Variants in KIF13B observed in about 807,000 individuals in gnomAD.
KIF13B encodes kinesin-like protein KIF13B.
A neutral mutation model predicts 222.0 loss-of-function variants in KIF13B; 127 were observed. The ratio of observed to expected loss-of-function variants is 0.57; its 90% CI spans 0.50 to 0.66. KIF13B has a LOEUF of 0.66. Among genes scored for constraint, KIF13B ranks in the 30% least tolerant of loss-of-function variants. KIF13B has a pLI of 0.00. For missense variants in KIF13B, 2,173 were observed against 2,379.0 expected, an observed-to-expected ratio of 0.91 and a Z score of 1.80; for synonymous variants, 976 against 919.0, an observed-to-expected ratio of 1.06 and a Z score of -1.12.
chr8:29,133,973 G>C, intron 22 of KIF13B, 67 bp downstream of exon 22: 2 of 1,443,392 alleles, frequency 1.4e-6, no homozygotes, highest in South Asian at 2.6e-5. Flanking sequence ...AAGAAACAAG[G>C]TTCATTTTCT....
Position 29,146,609 on chromosome 8 carries a change from T to C in KIF13B, c.2025-69A>G, listed in dbSNP as rs1481068094. 3.5e-5 allele frequency: 49 copies of C among 1,385,264 alleles called. No homozygotes were observed. In the East Asian group the frequency reaches 1.1e-3, roughly 32 times the overall value. The allele number at this position is 1,385,264 out of a possible 1,614,324, so 85.8% of individuals were successfully genotyped here. On this transcript the variant is annotated intron_variant, in intron 17 of 39. Coordinates refer to ENST00000524189, the MANE Select transcript of KIF13B (RefSeq NM_015254.4). ...CACAAAGCAGCTAGTCAGAAAATCA[T>C]ACAGTGGTAGTACATCATTGCCAAA... is the stretch of plus-strand genomic sequence containing the variant.
At chr8:29,122,170 C>T (rs1427838800) in intron 29 of KIF13B, among the ~76,000 whole-genome samples, 1 of 152,146 alleles carries the variant, frequency 6.6e-6, no homozygotes, top group Non-Finnish European at 1.5e-5. Context: ...AGGAGAACCG[C>T]TTGAACCGGG....
intron 29 of KIF13B, among the ~76,000 whole-genome samples, chr8:29,121,181 T>G (rs1275571325): frequency 6.9e-6 from 1 of 145,878 alleles, no homozygotes; most frequent in Non-Finnish European, 1.5e-5. Flanking sequence ...CCAATGACTT[T>G]CTTCACAGAA....
At chr8:29,173,097 T>C (rs1812319516) in intron 10 of KIF13B, among the ~76,000 whole-genome samples, 1 of 152,004 alleles carries the variant, frequency 6.6e-6, no homozygotes, top group Non-Finnish European at 1.5e-5. Flanking sequence ...TTATTTTTAG[T>C]AGAGATGCGA....
At chr8:29,167,243 T>C in intron 11 of KIF13B, 130 bp downstream of exon 11, 1 of 648,834 alleles carries the variant, frequency 1.5e-6, no homozygotes, top group South Asian at 1.9e-5. Context: ...ATCCCAAAGT[T>C]CTCTTGCTGT....
At chr8:29,215,118 C>A (rs1049568753) in intron 2 of KIF13B, among the ~76,000 whole-genome samples, 30 of 152,106 alleles carry the variant, frequency 2.0e-4, no homozygotes, top group African/African-American at 7.2e-4. Flanking sequence ...TGTTTCCCTG[C>A]TCTTTCCCGT....
In KIF13B at chr8:29,124,883, CAA is replaced by C. The variant is rs35910865; in HGVS notation, c.3253-762_3253-761del. Reference sequence around the variant, plus strand: ...GGGCAACAAGAACAAAACTCCATCCCAAAAAAAAAAAAAAAAATTAGCTGGGC... The same window carrying C: ...GGGCAACAAGAACAAAACTCCATCCCAAAAAAAAAAAAAAATTAGCTGGGC... On this transcript the variant is annotated intron_variant, in intron 26 of 39. Coordinates refer to ENST00000524189, the MANE Select transcript of KIF13B (RefSeq NM_015254.4). Among the ~76,000 whole-genome samples, 439 of 125,684 alleles carry C rather than the reference CAA, an allele frequency of 3.5e-3. 1 individual carries two copies. The highest frequency in any genetic ancestry group is 9.9e-3 in the African/African-American group (339 of 34,252). 82.5% of individuals were successfully genotyped at this position (125,684 alleles called of 152,430 possible).
intron 2 of KIF13B, among the ~76,000 whole-genome samples, chr8:29,233,087 T>C (rs1317583730): frequency 1.3e-5 from 2 of 152,010 alleles, no homozygotes; most frequent in Non-Finnish European, 2.9e-5. Flanking sequence ...ACCCGAGAGG[T>C]GGAGGTTGCA....
intron 2 of KIF13B, among the ~76,000 whole-genome samples, chr8:29,239,854 G>T (rs1338668863): frequency 1.3e-5 from 2 of 151,926 alleles, no homozygotes; most frequent in African/African-American, 4.8e-5. Context: ...GTAGAGACGG[G>T]GTTTCACCAT....
At chr8:29,208,644 T>G (rs968137146) in intron 2 of KIF13B, among the ~76,000 whole-genome samples, 1 of 152,226 alleles carries the variant, frequency 6.6e-6, no homozygotes, top group South Asian at 2.1e-4. Context: ...AATATTCAAA[T>G]AGACAACGGG....
At chr8:29,083,187 T>C (rs1352926799) in intron 37 of KIF13B, among the ~76,000 whole-genome samples, 1 of 151,890 alleles carries the variant, frequency 6.6e-6, no homozygotes, top group African/African-American at 2.4e-5. Context: ...AAATAAGAAA[T>C]GGCTTTTACA....
chr8:29,101,246 C>A (rs1410158534), intron 35 of KIF13B, among the ~76,000 whole-genome samples: 1 of 152,198 alleles, frequency 6.6e-6, no homozygotes, highest in Admixed American at 6.5e-5. Flanking sequence ...GATCAGCCCT[C>A]CATGGAGTTT....
chr8:29,076,848 A>G (rs1807583683), intron 37 of KIF13B, among the ~76,000 whole-genome samples: 1 of 152,192 alleles, frequency 6.6e-6, no homozygotes, highest in African/African-American at 2.4e-5. Context: ...GGTGGTGCAC[A>G]CCTGCAGTCC....
rs1194916895 is a variant in KIF13B, at chr8:29,146,420, A to T, written c.2145T>A (p.Val715=). 1.2e-6 allele frequency: 2 copies of T among 1,613,940 alleles called. No individual in the cohort carries two copies. ...GGCTGGAGGCTGGAATCTGTAGGGT[A>T]ACTTTGTATTCTGTTCTTTTATCCA... ...EELDKRTEYK[V]TLQIPASSLD... is the part of the protein sequence containing the mutation. Residue 715 remains valine, a synonymous_variant, in exon 18 of 40, where the codon GTT becomes GTA. Transcript: ENST00000524189.
chr8:29,096,293 C>CTTTTTT (rs61008499), intron 36 of KIF13B, among the ~76,000 whole-genome samples: 4 of 76,688 alleles, frequency 5.2e-5, no homozygotes, highest in African/African-American at 1.3e-4. Flanking sequence ...CCAAGCTTTT[C>CTTTTTT]TTTTTTTTTT....
Position 29,146,366 on chromosome 8 carries a change from C to G in KIF13B, c.2187+12G>C. ...TGAGATCTTTGTTTTTTTCAAGGAACGGCAACCTCACCTTCCTGTTGGCAT... is the reference window on the plus strand; with the variant it reads ...TGAGATCTTTGTTTTTTTCAAGGAAGGGCAACCTCACCTTCCTGTTGGCAT... On this transcript the variant is annotated intron_variant, in intron 18 of 39. Coordinates refer to ENST00000524189, the MANE Select transcript of KIF13B (RefSeq NM_015254.4). The G allele has an allele frequency of 6.2e-7, 1 of 1,613,302 alleles. No homozygotes were observed. Among genetic ancestry groups the G allele is most frequent in the African/African-American group, 1.3e-5 (1 of 74,938 alleles).
intron 7 of KIF13B, 64 bp downstream of exon 7, chr8:29,181,855 A>G (rs948846505): frequency 1.3e-5 from 14 of 1,089,248 alleles, no homozygotes; most frequent in Non-Finnish European, 1.9e-5. Flanking sequence ...AATTAAGCCA[A>G]GAAAAAAAAG....
intron 10 of KIF13B, among the ~76,000 whole-genome samples, chr8:29,174,377 T>C (rs567078218): frequency 1.3e-5 from 2 of 152,348 alleles, no homozygotes; most frequent in South Asian, 4.1e-4. Context: ...ACAAAACATT[T>C]TTGTTAGTCT....
chr8:29,155,801 C>T lies in KIF13B; in HGVS notation c.1460G>A (p.Gly487Glu), dbSNP rs1811495025. 6.3e-7 allele frequency: 1 copy of T among 1,594,828 alleles called. No individual in the cohort carries two copies. Reference sequence around the variant, plus strand: ...TATAATACAGTGTTCAGGAAGAATTCCCATGCCGCACAGTTGGATATCTTG... The same window carrying T: ...TATAATACAGTGTTCAGGAAGAATTTCCATGCCGCACAGTTGGATATCTTG... ...NSQDIQLCGMGILPEHCIIDI... is the reference protein window; with the variant it reads ...NSQDIQLCGMEILPEHCIIDI... Residue 487 changes from glycine (G) to glutamate (E), a missense_variant, in exon 14 of 40, where the codon GGA becomes GAA. Physicochemically the swap from Gly to Glu is moderately conservative, Grantham distance 98. Coordinates refer to ENST00000524189, the MANE Select transcript of KIF13B (RefSeq NM_015254.4).
Sources: allele counts gnomAD v4.1 joint callset (sites outside exome capture counted in the v4.1 genomes callset), GRCh38; gene constraint gnomAD v4.1.1; transcripts MANE v1.5; gene names NCBI Gene and HGNC (gene_info 2026-07-23, HGNC 2026-07-21).